NECTIN2: variants seen among roughly 807,000 people sequenced by gnomAD.
NECTIN2 encodes the protein nectin-2.
In NECTIN2, 23 loss-of-function variants were observed where a neutral mutation model predicts 56.9. The ratio of observed to expected loss-of-function variants is 0.40; its 90% CI spans 0.29 to 0.57. The LOEUF (loss-of-function observed/expected upper bound fraction) is 0.57. Among genes scored for constraint, NECTIN2 ranks in the 20% least tolerant of loss-of-function variants. NECTIN2 has a pLI of 0.38. For synonymous variants in NECTIN2, 302 were observed against 313.8 expected, an observed-to-expected ratio of 0.96 and a Z score of 0.40; for missense variants, 587 against 718.3, an observed-to-expected ratio of 0.82 and a Z score of 2.09.
chr19:44,866,214 G>A (rs931514876), intron 2 of NECTIN2, among the ~76,000 whole-genome samples: 16 of 151,682 alleles, frequency 1.1e-4, no homozygotes, highest in Non-Finnish European at 1.2e-4. Context: ...GGTGGCTCAC[G>A]ACTATAATCC....
chr19:44,852,106 CTTTTTTCTT>C (rs1163906206), intron 1 of NECTIN2, among the ~76,000 whole-genome samples: 2 of 151,920 alleles, frequency 1.3e-5, no homozygotes, highest in Non-Finnish European at 2.9e-5. Flanking sequence ...AGGGCTCTTT[CTTTTTTCTT>C]TTTTTTCTTT....
At position 44,865,447 on chromosome 19, in the gene NECTIN2, A is replaced by G. The variant is rs755277563; in HGVS notation, c.265A>G (p.Met89Val). The change falls in exon 2 of 9, where the codon ATG becomes GTG. Residue 89 changes from methionine (M) to valine (V), a missense_variant. Transcript: ENST00000252483. This position sits in a 1 kb window ranked among gnomAD's most constrained non-coding sequence, Gnocchi z 5.2. ...HQNVAAFHPK[M>V]GPSFPSPKPG... ...GAATGTGGCCGCCTTCCACCCTAAG[A>G]TGGGTCCCAGCTTCCCCAGCCCGAA... is the stretch of plus-strand genomic sequence containing the variant. 2 of 1,613,928 alleles carry G rather than the reference A, an allele frequency of 1.2e-6. No homozygotes were observed. Among genetic ancestry groups the G allele is most frequent in the Non-Finnish European group, 1.7e-6 (2 of 1,179,974 alleles).
Position 44,888,447 on chromosome 19 carries a change from G to A in NECTIN2, c.*68G>A, listed in dbSNP as rs1969385774. 4 of 1,527,552 alleles carry A rather than the reference G, an allele frequency of 2.6e-6. No homozygotes were observed. Among genetic ancestry groups the A allele is most frequent in the Non-Finnish European group, 3.6e-6 (4 of 1,122,962 alleles). 94.6% of individuals were successfully genotyped at this position (1,527,552 alleles called of 1,614,324 possible). A position where few individuals can be genotyped will look rare whatever the true frequency, so the allele number is the denominator to read the frequency against. On this transcript the variant is annotated 3_prime_UTR_variant, in exon 9 of 9. Coordinates refer to ENST00000252483, the MANE Select transcript of NECTIN2 (RefSeq NM_001042724.2). ...TTAGCTTTCTTGCCAAGGATCTAGT[G>A]CCCCCTGACCTCTGGCCAGGCCACT...
At chr19:44,879,696 C>T (rs546565248) in intron 5 of NECTIN2, among the ~76,000 whole-genome samples, 13 of 152,224 alleles carry the variant, frequency 8.5e-5, no homozygotes, top group Non-Finnish European at 1.5e-4. Context: ...TTTTTACCCG[C>T]GTCACCTCTG....
intron 1 of NECTIN2, among the ~76,000 whole-genome samples, chr19:44,849,113 T>G (rs919432276): frequency 6.6e-6 from 1 of 151,468 alleles, no homozygotes; most frequent in African/African-American, 2.4e-5. Context: ...CAGAGGCCAA[T>G]AGAGGGAAGC....
intron 2 of NECTIN2, among the ~76,000 whole-genome samples, chr19:44,867,283 A>G (rs1160457713): frequency 6.6e-6 from 1 of 152,132 alleles, no homozygotes; most frequent in Admixed American, 6.6e-5. Flanking sequence ...GGGCCTCTCA[A>G]AGTGCTGGGA....
rs149132410 is a variant in NECTIN2, at chr19:44,880,231, G to A, written c.1043-1980G>A. Reference sequence around the variant, plus strand: ...AGGGCAGGGGCGGGGAATTGGGTCCGCCTGGCACACAGTGGATCCTTCAGT... The same window carrying A: ...AGGGCAGGGGCGGGGAATTGGGTCCACCTGGCACACAGTGGATCCTTCAGT... On this transcript the variant is annotated intron_variant, in intron 5 of 8. Coordinates refer to ENST00000252483, the MANE Select transcript of NECTIN2 (RefSeq NM_001042724.2). 4.7e-3 allele frequency among the ~76,000 whole-genome samples: 678 copies of A among 145,520 alleles called. 5 individuals are homozygous for A. The highest frequency in any genetic ancestry group is 0.015 in the African/African-American group (601 of 40,386).
At chr19:44,854,136 C>CA (rs1968936028) in intron 1 of NECTIN2, among the ~76,000 whole-genome samples, 1 of 152,036 alleles carries the variant, frequency 6.6e-6, no homozygotes, top group African/African-American at 2.4e-5. Context: ...ACCGAGTCCT[C>CA]ACTCTGTCAC....
intron 2 of NECTIN2, among the ~76,000 whole-genome samples, chr19:44,866,133 C>T (rs1475507278): frequency 6.6e-6 from 1 of 151,666 alleles, no homozygotes. Context: ...GATTGTGCCA[C>T]CACTGCACTC....
intron 5 of NECTIN2, among the ~76,000 whole-genome samples, chr19:44,880,700 G>T (rs890764409): frequency 6.7e-6 from 1 of 150,228 alleles, no homozygotes; most frequent in Non-Finnish European, 1.5e-5. Flanking sequence ...GGGCTCAAGC[G>T]ATCGATCCTC....
chr19:44,853,043 T>C (rs1176531450), intron 1 of NECTIN2, among the ~76,000 whole-genome samples: 1 of 151,600 alleles, frequency 6.6e-6, no homozygotes, highest in African/African-American at 2.4e-5. Context: ...ACCCAAGAGG[T>C]TGAGGCTGCG....
At position 44,874,246 on chromosome 19, in the gene NECTIN2, C is replaced by A; in HGVS notation, c.894-84C>A. On this transcript the variant is annotated intron_variant, in intron 4 of 8. Transcript: ENST00000252483. This position sits in a 1 kb window ranked among gnomAD's most constrained non-coding sequence, Gnocchi z 6.3. ...GTACTTAGGTCCCTGGAGCTTGGCT[C>A]CTGGTGGGTGTATCTTTAGGGATGA... 1 of 1,515,218 alleles carries A rather than the reference C, an allele frequency of 6.6e-7. No individual in the cohort carries two copies. The highest frequency in any genetic ancestry group is 9.1e-7 in the Non-Finnish European group (1 of 1,096,720). The allele number at this position is 1,515,218 out of a possible 1,614,324, so 93.9% of individuals were successfully genotyped here. A position where few individuals can be genotyped will look rare whatever the true frequency, so the allele number is the denominator to read the frequency against.
chr19:44,856,194 G>A (rs375920298), intron 1 of NECTIN2, among the ~76,000 whole-genome samples: 1 of 152,132 alleles, frequency 6.6e-6, no homozygotes. Flanking sequence ...CCAGCTACTC[G>A]GGAGGTTGAG....
In NECTIN2 at chr19:44,888,230, G is replaced by A. The variant is rs566257264; in HGVS notation, c.1468G>A (p.Val490Ile). Reference sequence around the variant, plus strand: ...TCCAGGGCCACCTGCTGTGGAAGACGTTTCCCTGGATCTAGAGGATGAGGA... The same window carrying A: ...TCCAGGGCCACCTGCTGTGGAAGACATTTCCCTGGATCTAGAGGATGAGGA... Reference protein sequence around the residue: ...VPPGPPAVEDVSLDLEDEEGE... With the variant: ...VPPGPPAVEDISLDLEDEEGE... The change falls in exon 9 of 9, where the codon GTT becomes ATT. Residue 490 changes from valine (V) to isoleucine (I), a missense_variant. Coordinates refer to ENST00000252483, the MANE Select transcript of NECTIN2 (RefSeq NM_001042724.2). The A allele has an allele frequency of 1.2e-5, 19 of 1,614,152 alleles. No homozygotes were observed. Among genetic ancestry groups the A allele is most frequent in the South Asian group, 8.8e-5 (8 of 91,088 alleles).
rs772044316 is a variant in NECTIN2 at position 44,885,955 on chromosome 19, C to T, written c.1215C>T (p.Ser405=). The change falls in exon 7 of 9, where the codon TCC becomes TCT. Residue 405 remains serine, a synonymous_variant. Transcript: ENST00000252483. ...CCCACAGCCTGGAGGGACCTCCCTCCTACAAGCCACCGACCCCAAAAGCGA... is the reference window on the plus strand; with the variant it reads ...CCCACAGCCTGGAGGGACCTCCCTCTTACAAGCCACCGACCCCAAAAGCGA... ...EEDEDLEGPP[S]YKPPTPKAKL... is the part of the protein sequence containing the mutation. 10 of 1,596,634 alleles carry T rather than the reference C, an allele frequency of 6.3e-6. No homozygotes were observed. In the East Asian group the frequency reaches 2.0e-4, roughly 32 times the overall value.
chr19:44,868,351 CAAAA>C (rs569384558), intron 2 of NECTIN2, among the ~76,000 whole-genome samples: 1 of 80,790 alleles, frequency 1.2e-5, no homozygotes, highest in Non-Finnish European at 2.6e-5. Context: ...GACCCTGTCT[CAAAA>C]AAAAAAAAAA....
intron 5 of NECTIN2, among the ~76,000 whole-genome samples, chr19:44,877,146 G>A (rs774906326): frequency 6.6e-6 from 1 of 152,032 alleles, no homozygotes; most frequent in East Asian, 1.9e-4. Flanking sequence ...TTGACAGCCC[G>A]CTGGGTCATG....
chr19:44,865,583 A>C lies in NECTIN2; in HGVS notation c.401A>C (p.Asp134Ala). ...GCCCTCCACGGGCTCACGGTGGAGG[A>C]CGAGGGCAACTACACTTGCGAGTTT... ...TLALHGLTVE[D>A]EGNYTCEFAT... Residue 134 changes from aspartate to alanine, a missense_variant, in exon 2 of 9, where the codon GAC becomes GCC. Physicochemically the swap from Asp to Ala is moderately radical, Grantham distance 126. Transcript: ENST00000252483. The surrounding 1 kb of genome is among the most constrained non-coding windows in gnomAD (Gnocchi z 5.2). 1 of 1,546,960 alleles carries C rather than the reference A, an allele frequency of 6.5e-7. No individual in the cohort carries two copies. Among genetic ancestry groups the C allele is most frequent in the African/African-American group, 1.4e-5 (1 of 73,278 alleles).
chr19:44,877,158 C>A (rs539581429), intron 5 of NECTIN2, among the ~76,000 whole-genome samples: 12 of 152,236 alleles, frequency 7.9e-5, no homozygotes, highest in Non-Finnish European at 1.6e-4. Flanking sequence ...TGGGTCATGA[C>A]CCCCTGTTTG....
Sources: allele counts gnomAD v4.1 joint callset (sites outside exome capture counted in the v4.1 genomes callset), GRCh38; gene constraint gnomAD v4.1.1; non-coding constraint Gnocchi (gnomAD v3.1); transcripts MANE v1.5; gene names NCBI Gene and HGNC (gene_info 2026-07-23, HGNC 2026-07-21).